The following SEC61A2 variants were observed in gnomAD, a reference collection of about 807,000 sequenced individuals.
The protein encoded by SEC61A2 is SEC61 translocon subunit alpha 2, also known as protein transport protein Sec61 subunit alpha isoform 2.
A neutral mutation model predicts 59.9 loss-of-function variants in SEC61A2; 28 were observed. That is an observed-to-expected ratio of 0.47 (90% CI 0.35 to 0.64). The LOEUF (loss-of-function observed/expected upper bound fraction) is 0.64, where lower values mean the gene tolerates loss of function less well. SEC61A2 is among the 30% of genes least tolerant of loss of function. The pLI, the probability that SEC61A2 is intolerant of heterozygous loss-of-function variation, is 0.01. For synonymous variants in SEC61A2, 202 were observed against 214.4 expected, an observed-to-expected ratio of 0.94 and a Z score of 0.50; for missense variants, 340 against 585.9, an observed-to-expected ratio of 0.58 and a Z score of 4.33.
At chr10:12,166,744 C>A (rs865914897), downstream of SEC61A2, 1 of 507,854 alleles carries the variant, frequency 2.0e-6, no homozygotes, top group Non-Finnish European at 4.0e-6. Context: ...GCTGGAGGCC[C>A]TAAAAGTCAA....
At chr10:12,157,124 A>G (rs780009322) in intron 8 of SEC61A2, 57 bp downstream of exon 8, 1 of 1,510,004 alleles carries the variant, frequency 6.6e-7, no homozygotes, top group South Asian at 1.2e-5. Flanking sequence ...TTTGCTCTTA[A>G]AGAGAATGCC....
Position 12,160,906 on chromosome 10 carries a change from G to A in SEC61A2, c.976-24G>A. On this transcript the variant is annotated intron_variant, in intron 9 of 11. Coordinates refer to ENST00000298428, the MANE Select transcript of SEC61A2 (RefSeq NM_018144.4). The surrounding 1 kb of genome is among the most constrained non-coding windows in gnomAD (Gnocchi z 4.1). Reference sequence around the variant, plus strand: ...TCCTGACTAATTAGGTTGACCACTTGTTCTTTGTACTCCTGTTCTGTAGGA... The same window carrying A: ...TCCTGACTAATTAGGTTGACCACTTATTCTTTGTACTCCTGTTCTGTAGGA... 3.2e-6 allele frequency: 5 copies of A among 1,583,662 alleles called. No individual in the cohort carries two copies. Among genetic ancestry groups the A allele is most frequent in the Non-Finnish European group, 4.3e-6 (5 of 1,165,570 alleles).
chr10:12,148,138 A>C (rs1834186731), intron 4 of SEC61A2, among the ~76,000 whole-genome samples: 1 of 150,432 alleles, frequency 6.6e-6, no homozygotes, highest in Non-Finnish European at 1.5e-5. Context: ...ACGGGGTTTC[A>C]CCATATTGGC....
chr10:12,133,549 T>C (rs1833812603), intron 2 of SEC61A2, among the ~76,000 whole-genome samples: 1 of 152,244 alleles, frequency 6.6e-6, no homozygotes, highest in Non-Finnish European at 1.5e-5. Flanking sequence ...AAATTAAGTG[T>C]TTCTTCGGCC....
intron 6 of SEC61A2, among the ~76,000 whole-genome samples, chr10:12,150,941 A>T (rs1233740519): frequency 6.6e-6 from 1 of 152,012 alleles, no homozygotes; most frequent in East Asian, 1.9e-4. Context: ...CGCCCAGCTA[A>T]TTTTTTGTAT....
At chr10:12,136,053 A>C (rs1833875948) in intron 2 of SEC61A2, 52 bp from the exon 3 acceptor site, 1 of 1,246,916 alleles carries the variant, frequency 8.0e-7, no homozygotes, top group African/African-American at 1.5e-5. Context: ...GCCCCCCAAA[A>C]ATTTGCTGTT....
intron 4 of SEC61A2, among the ~76,000 whole-genome samples, chr10:12,144,988 G>A (rs1834105466): frequency 6.6e-6 from 1 of 152,010 alleles, no homozygotes; most frequent in Non-Finnish European, 1.5e-5. Context: ...GGAAGAGATT[G>A]CAGTGAGCCG....
chr10:12,167,859 C>G (rs187037649), downstream of SEC61A2: 22 of 1,607,840 alleles, frequency 1.4e-5, 1 homozygote, highest in African/African-American at 2.8e-4. Flanking sequence ...TAAGGAAGGA[C>G]AAAACATCTT....
chr10:12,148,855 A>G (rs1348285571), intron 4 of SEC61A2, among the ~76,000 whole-genome samples: 1 of 151,948 alleles, frequency 6.6e-6, no homozygotes, highest in Non-Finnish European at 1.5e-5. Context: ...AAACACTAAA[A>G]CATGTTTTTA....
chr10:12,165,048 TCTC>T lies in SEC61A2; in HGVS notation c.*604_*606del. 2.0e-6 allele frequency: 2 copies of T among 986,306 alleles called. No homozygotes were observed. The highest frequency in any genetic ancestry group is 1.2e-6 in the Non-Finnish European group (1 of 830,578). 61.1% of individuals were successfully genotyped at this position (986,306 alleles called of 1,614,324 possible). A position where few individuals can be genotyped will look rare whatever the true frequency, so the allele number is the denominator to read the frequency against. ...ACAACTGCTTCTAAGGCCTCCTCCT[TCTC>T]CTCCTCCTCTTCCTCTTCCTCCTTT... On this transcript the variant is annotated 3_prime_UTR_variant, in exon 12 of 12. Transcript: ENST00000298428.
rs1834405585 is a variant in SEC61A2 at position 12,156,794 on chromosome 10, A to T, written c.617-113A>T. The T allele has an allele frequency of 4.0e-6, 4 of 1,000,410 alleles. No homozygotes were observed. The highest frequency in any genetic ancestry group is 4.5e-6 in the Non-Finnish European group (3 of 668,502). 62.0% of individuals were successfully genotyped at this position (1,000,410 alleles called of 1,614,324 possible). On this transcript the variant is annotated intron_variant, in intron 7 of 11. Transcript: ENST00000298428. This position sits in a 1 kb window ranked among gnomAD's most constrained non-coding sequence, Gnocchi z 5.2. The stretch of plus-strand genomic sequence containing the variant: ...TATATCATAAAGCAAACATTGGCGA[A>T]TTCTTTTGACCCATATTTTCTGCTG...
In SEC61A2 at chr10:12,161,521, T is replaced by A. The variant is rs1008559723; in HGVS notation, c.1167+400T>A. ...ACTTCGGGAGGCCGAGGTGGGCAGA[T>A]CCCATGGGTAGGAGATCGAGACCAT... On this transcript the variant is annotated intron_variant, in intron 10 of 11. Coordinates refer to ENST00000298428, the MANE Select transcript of SEC61A2 (RefSeq NM_018144.4). The surrounding 1 kb of genome is among the most constrained non-coding windows in gnomAD (Gnocchi z 5.4). Among the ~76,000 whole-genome samples the A allele has an allele frequency of 6.6e-6, 1 of 152,132 alleles. No individual in the cohort carries two copies.
chr10:12,130,566 C>A (rs79792010), intron 1 of SEC61A2, among the ~76,000 whole-genome samples: 1 of 152,092 alleles, frequency 6.6e-6, no homozygotes, highest in Non-Finnish European at 1.5e-5. Context: ...AAAAGCTTTG[C>A]TTGAACATGA....
chr10:12,138,252 G>T (rs1027104537), intron 3 of SEC61A2, among the ~76,000 whole-genome samples: 1 of 151,822 alleles, frequency 6.6e-6, no homozygotes, highest in Non-Finnish European at 1.5e-5. Context: ...TGTTTTAAAT[G>T]GTCAGGGAGA....
chr10:12,164,499 T>C lies in SEC61A2; in HGVS notation c.*45T>C. On this transcript the variant is annotated 3_prime_UTR_variant, in exon 12 of 12. Coordinates refer to ENST00000298428, the MANE Select transcript of SEC61A2 (RefSeq NM_018144.4). This position sits in a 1 kb window ranked among gnomAD's most constrained non-coding sequence, Gnocchi z 7.3. ...TGTGCGTGTGAAAGGGAAAACACTT[T>C]GACGGATCGTTTTTGTCAGATGACA... 2 of 1,581,768 alleles carry C rather than the reference T, an allele frequency of 1.3e-6. No individual in the cohort carries two copies. The highest frequency in any genetic ancestry group is 1.7e-4 in the Middle Eastern group (1 of 5,886).
Position 12,161,259 on chromosome 10 carries a change from C to T in SEC61A2, c.1167+138C>T, listed in dbSNP as rs867869030. 15 of 616,018 alleles carry T rather than the reference C, an allele frequency of 2.4e-5. No individual in the cohort carries two copies. Among genetic ancestry groups the T allele is most frequent in the Non-Finnish European group, 3.5e-5 (13 of 368,098 alleles). The allele number at this position is 616,018 out of a possible 1,614,324, so 38.2% of individuals were successfully genotyped here. A position where few individuals can be genotyped will look rare whatever the true frequency, so the allele number is the denominator to read the frequency against. Reference sequence around the variant, plus strand: ...TTTGAGACCAGCCTGGGCAACATAGCGAGACCCCGTCATGACTAAAAAAAT... The same window carrying T: ...TTTGAGACCAGCCTGGGCAACATAGTGAGACCCCGTCATGACTAAAAAAAT... On this transcript the variant is annotated intron_variant, in intron 10 of 11. Coordinates refer to ENST00000298428, the MANE Select transcript of SEC61A2 (RefSeq NM_018144.4). This position sits in a 1 kb window ranked among gnomAD's most constrained non-coding sequence, Gnocchi z 5.4.
Position 12,153,768 on chromosome 10 carries a change from A to T in SEC61A2, c.463-2010A>T, listed in dbSNP as rs1469352940. ...ACTAACATTGAAAATATGTGGATAC[A>T]CTGAAGAGCTATGATTGGATCAGTG... On this transcript the variant is annotated intron_variant, in intron 6 of 11. Transcript: ENST00000298428. This position sits in a 1 kb window ranked among gnomAD's most constrained non-coding sequence, Gnocchi z 5.2. The T allele has an allele frequency of 1.9e-6, 3 of 1,610,978 alleles. No individual in the cohort carries two copies. The highest frequency in any genetic ancestry group is 2.5e-6 in the Non-Finnish European group (3 of 1,179,368).
In SEC61A2 at chr10:12,162,851, T is replaced by C. The variant is rs1190416656; in HGVS notation, c.1244+562T>C. On this transcript the variant is annotated intron_variant, in intron 11 of 11. Transcript: ENST00000298428. The surrounding 1 kb of genome is among the most constrained non-coding windows in gnomAD (Gnocchi z 6.1). ...TTAACTTTGTCTCTACAGATTTGCC[T>C]ATTCTGTACATTTCATATAAATGGA... Among the ~76,000 whole-genome samples the C allele has an allele frequency of 6.6e-6, 1 of 152,214 alleles. No individual in the cohort carries two copies. Among genetic ancestry groups the C allele is most frequent in the East Asian group, 1.9e-4 (1 of 5,196 alleles).
At chr10:12,148,804 G>A (rs537416433) in intron 4 of SEC61A2, among the ~76,000 whole-genome samples, 26 of 152,192 alleles carry the variant, frequency 1.7e-4, no homozygotes, top group African/African-American at 5.3e-4. Flanking sequence ...GATTACAGGC[G>A]TGAGCCACCA....
Sources: gnomAD v4.1 joint callset for allele counts (sites outside exome capture counted in the v4.1 genomes callset) on GRCh38, gnomAD v4.1.1 for gene constraint, Gnocchi (gnomAD v3.1) non-coding constraint, MANE v1.5 for transcripts, NCBI Gene and HGNC (gene_info 2026-07-23, HGNC 2026-07-21) for gene names.